DOT1L: variants seen among roughly 807,000 people sequenced by gnomAD.
DOT1L encodes DOT1 like histone lysine methyltransferase.
Under a neutral mutation model 153.3 loss-of-function variants are expected in DOT1L, and 33 were observed. The observed-to-expected ratio is 0.22, with a 90% CI of 0.16 to 0.29. The LOEUF (loss-of-function observed/expected upper bound fraction) is 0.29, where lower values mean the gene tolerates loss of function less well. DOT1L is among the 10% of genes least tolerant of loss of function. The pLI is 1.00. For missense variants in DOT1L, 1,847 were observed against 2,119.9 expected (o/e 0.87, Z 2.53); for synonymous variants, 1,135 against 965.1 (o/e 1.18, Z -3.26).
At chr19:2,194,413 C>T (rs551702672) in intron 6 of DOT1L, 102 bp from the exon 7 acceptor site, 23 of 1,293,110 alleles carry the variant, frequency 1.8e-5, no homozygotes, top group South Asian at 7.2e-5. Context: ...CCTCATGATC[C>T]GCCCTCCTCA....
intron 27 of DOT1L, chr19:2,227,456 A>G (rs1222950352): frequency 3.5e-6 from 2 of 579,276 alleles, no homozygotes. Flanking sequence ...AGGCTCTGGG[A>G]GCTGGTGTTG....
intron 3 of DOT1L, among the ~76,000 whole-genome samples, chr19:2,188,662 G>C (rs562956522): frequency 6.6e-6 from 1 of 152,340 alleles, no homozygotes; most frequent in Admixed American, 6.5e-5. Context: ...GTGTGTGACA[G>C]TGTTCACTGG....
At chr19:2,182,061 A>T (rs1019203374) in intron 2 of DOT1L, among the ~76,000 whole-genome samples, 3 of 150,858 alleles carry the variant, frequency 2.0e-5, no homozygotes, top group East Asian at 1.9e-4. Context: ...TGTCTCTACT[A>T]AAAAAAAACA....
chr19:2,219,259 C>T (rs888178563), intron 22 of DOT1L, among the ~76,000 whole-genome samples: 2 of 152,190 alleles, frequency 1.3e-5, no homozygotes, highest in African/African-American at 2.4e-5. Flanking sequence ...CCACCCGCCT[C>T]GGCCTCCCAC....
intron 9 of DOT1L, 97 bp from the exon 10 acceptor site, chr19:2,206,632 G>T (rs1310901939): frequency 8.3e-7 from 1 of 1,200,470 alleles, no homozygotes. Flanking sequence ...CAGTGTGTGT[G>T]TGTTCCGTGT....
intron 9 of DOT1L, 78 bp downstream of exon 9, chr19:2,202,857 C>T (rs1453180490): frequency 2.0e-6 from 3 of 1,471,302 alleles, no homozygotes; most frequent in Admixed American, 3.4e-5. Flanking sequence ...CGCAGGGTGT[C>T]CTGCAGAAGG....
chr19:2,218,394 T>TTTTTTA (rs2023981354), intron 22 of DOT1L, among the ~76,000 whole-genome samples: 1 of 152,244 alleles, frequency 6.6e-6, no homozygotes, highest in South Asian at 2.1e-4. Flanking sequence ...TTATTTTTTA[T>TTTTTTA]TTTTTATTTT....
At position 2,210,327 on chromosome 19, in the gene DOT1L, C is replaced by T. The variant is rs1023980734; in HGVS notation, c.1006-73C>T. 2.8e-5 allele frequency: 37 copies of T among 1,333,586 alleles called. No individual in the cohort carries two copies. In the East Asian group the frequency reaches 4.9e-4, roughly 18 times the overall value. 82.6% of individuals were successfully genotyped at this position (1,333,586 alleles called of 1,614,324 possible). A position where few individuals can be genotyped will look rare whatever the true frequency, so the allele number is the denominator to read the frequency against. ...CCGTGGCCCCCTTGAGTCTGAGCTCCGCGTGCCTCTCGGTGCAGGAGGGCC... is the reference window on the plus strand; with the variant it reads ...CCGTGGCCCCCTTGAGTCTGAGCTCTGCGTGCCTCTCGGTGCAGGAGGGCC... On this transcript the variant is annotated intron_variant, in intron 12 of 27. Transcript: ENST00000398665.
At chr19:2,167,665 C>T (rs900490040) in intron 1 of DOT1L, among the ~76,000 whole-genome samples, 3 of 151,982 alleles carry the variant, frequency 2.0e-5, no homozygotes, top group Admixed American at 6.6e-5. Context: ...TTGTCATTTT[C>T]TGTGTTCCCG....
intron 17 of DOT1L, 58 bp downstream of exon 17, chr19:2,213,698 C>T (rs2023793742): frequency 1.0e-5 from 16 of 1,605,176 alleles, no homozygotes; most frequent in Middle Eastern, 1.6e-4. Flanking sequence ...CTGGGGTGGT[C>T]CATGTCCGTC....
rs556514524 is a variant in DOT1L, at chr19:2,225,274, G to C, written c.3597-114G>C. 31 of 1,045,566 alleles carry C rather than the reference G, an allele frequency of 3.0e-5. No homozygotes were observed. The South Asian group carries it at 4.1e-4, about 14-fold the overall frequency. 64.8% of individuals were successfully genotyped at this position (1,045,566 alleles called of 1,614,324 possible). On this transcript the variant is annotated intron_variant, in intron 25 of 27. Coordinates refer to ENST00000398665, the MANE Select transcript of DOT1L (RefSeq NM_032482.3). Reference sequence around the variant, plus strand: ...GCTGCACGGGTCCCCTGTCTGGGCCGAGTGCTTCTCGTTCACCACCTCCGG... The same window carrying C: ...GCTGCACGGGTCCCCTGTCTGGGCCCAGTGCTTCTCGTTCACCACCTCCGG...
In DOT1L at chr19:2,223,392, A is replaced by G; in HGVS notation, c.3502A>G (p.Lys1168Glu). The G allele has an allele frequency of 6.2e-7, 1 of 1,613,646 alleles. No individual in the cohort carries two copies. The highest frequency in any genetic ancestry group is 8.5e-7 in the Non-Finnish European group (1 of 1,179,946). The change falls in exon 25 of 28, where the codon AAG becomes GAG. Residue 1168 changes from lysine to glutamate, a missense_variant. By Grantham distance (56) the Lys-to-Glu change is moderately conservative (BLOSUM62 1). Transcript: ENST00000398665. ...QDHDQPPVLK[K>E]ERPLSQTNGA... ...CCACGACCAGCCCCCCGTGCTCAAG[A>G]AGGAGCGGCCTCTGAGCCAGACCAA... is the stretch of plus-strand genomic sequence containing the variant.
chr19:2,196,825 C>T (rs945051201), intron 7 of DOT1L, among the ~76,000 whole-genome samples: 1 of 152,214 alleles, frequency 6.6e-6, no homozygotes, highest in African/African-American at 2.4e-5. Context: ...GTCAGCTGAG[C>T]CCCTGGCCGC....
At position 2,208,572 on chromosome 19, in the gene DOT1L, A is replaced by C. The variant is rs1178899521; in HGVS notation, c.964-363A>C. On this transcript the variant is annotated intron_variant, in intron 11 of 27. Transcript: ENST00000398665. This position sits in a 1 kb window ranked among gnomAD's most constrained non-coding sequence, Gnocchi z 4.4. ...GTGCTGCTGCTTCAGCTGCCCTGGC[A>C]CTGACGCCCTCGGCGCAGCCTCTCG... 6.6e-6 allele frequency among the ~76,000 whole-genome samples: 1 copy of C among 152,180 alleles called. No homozygotes were observed.
rs2144869429 is a variant in DOT1L at position 2,216,679 on chromosome 19, G to A, written c.2322G>A (p.Leu774=). Residue 774 remains leucine (L), a synonymous_variant, in exon 20 of 28, where the codon CTG becomes CTA. Transcript: ENST00000398665. ...TAGCCGCACCCGACTACACTAGGCT[G>A]TCCCCGGCCAAGATTGTGCTGAGGC... is the stretch of plus-strand genomic sequence containing the variant. ...SGLAAPDYTR[L]SPAKIVLRRH... The A allele has an allele frequency of 6.2e-7, 1 of 1,603,800 alleles. No individual in the cohort carries two copies. The highest frequency in any genetic ancestry group is 8.5e-7 in the Non-Finnish European group (1 of 1,179,870).
chr19:2,211,234 G>T, intron 15 of DOT1L, 22 bp downstream of exon 15: 1 of 1,580,350 alleles, frequency 6.3e-7, no homozygotes, highest in South Asian at 1.1e-5. Context: ...TGAGGCGTCC[G>T]GCGAAGGGTT....
intron 27 of DOT1L, chr19:2,228,873 G>C (rs573062572): frequency 5.1e-6 from 5 of 985,314 alleles, no homozygotes; most frequent in Non-Finnish European, 6.0e-6. Flanking sequence ...GCCTCTGGTC[G>C]GGGCTGTCTG....
chr19:2,210,343 C>A, intron 12 of DOT1L, 57 bp from the exon 13 acceptor site: 1 of 1,414,472 alleles, frequency 7.1e-7, no homozygotes, highest in Non-Finnish European at 9.3e-7. Context: ...CCTCTCGGTG[C>A]AGGAGGGCCG....
chr19:2,198,906 G>C lies in DOT1L; in HGVS notation c.652-978G>C, dbSNP rs577826453. ...GGAGCCTGGCTCCTGTTCTCATTGG[G>C]GTCCTGCTTCCAGGTGTGCGCGGCC... On this transcript the variant is annotated intron_variant, in intron 7 of 27. Transcript: ENST00000398665. 8.3e-4 allele frequency among the ~76,000 whole-genome samples: 126 copies of C among 152,326 alleles called. 1 individual carries two copies. Among genetic ancestry groups the C allele is most frequent in the African/African-American group, 3.0e-3 (124 of 41,574 alleles).
Sources: allele counts gnomAD v4.1 joint callset (sites outside exome capture counted in the v4.1 genomes callset), GRCh38; gene constraint gnomAD v4.1.1; non-coding constraint Gnocchi (gnomAD v3.1); transcripts MANE v1.5; gene names NCBI Gene and HGNC (gene_info 2026-07-23, HGNC 2026-07-21).